NRXN1: variants seen among roughly 807,000 people sequenced by gnomAD.
The protein encoded by NRXN1 is neurexin-1.
A neutral mutation model predicts 150.9 loss-of-function variants in NRXN1; 39 were observed. That is an observed-to-expected ratio of 0.26 (90% CI 0.20 to 0.34). The LOEUF is 0.34. NRXN1 is among the 10% of genes least tolerant of loss of function. The pLI is 1.00. For synonymous variants in NRXN1, 924 were observed against 757.0 expected (o/e 1.22, Z -3.62); for missense variants, 1,815 against 1,949.9 (o/e 0.93, Z 1.30).
chr2:50,834,255 T>C (rs1671794926), intron 5 of NRXN1, among the ~76,000 whole-genome samples: 1 of 152,312 alleles, frequency 6.6e-6, no homozygotes, highest in South Asian at 2.1e-4. Flanking sequence ...TGTAATCAAC[T>C]GTGAAAATCT....
At chr2:50,087,572 T>C (rs1173196102) in intron 19 of NRXN1, among the ~76,000 whole-genome samples, 1 of 152,156 alleles carries the variant, frequency 6.6e-6, no homozygotes, top group Non-Finnish European at 1.5e-5. Context: ...AGATTAATGA[T>C]GCATTATATT....
intron 21 of NRXN1, among the ~76,000 whole-genome samples, chr2:49,979,906 G>GTTTTTTTTTTT (rs958895922): frequency 4.5e-5 from 3 of 65,990 alleles, no homozygotes; most frequent in African/African-American, 9.1e-5. Context: ...TGTTTTTTTG[G>GTTTTTTTTTTT]TTTTTTTTTT....
intron 10 of NRXN1, among the ~76,000 whole-genome samples, chr2:50,534,535 T>C (rs1443573329): frequency 6.6e-6 from 1 of 152,174 alleles, no homozygotes; most frequent in Non-Finnish European, 1.5e-5. Flanking sequence ...AGTGTAAAGT[T>C]ATAGTGAATT....
At chr2:50,656,662 T>G (rs1040991704) in intron 5 of NRXN1, among the ~76,000 whole-genome samples, 1 of 151,914 alleles carries the variant, frequency 6.6e-6, no homozygotes, top group Non-Finnish European at 1.5e-5. Context: ...ATTAATTTCA[T>G]GATGGACTAG....
intron 17 of NRXN1, among the ~76,000 whole-genome samples, chr2:50,366,674 G>T (rs1213841317): frequency 1.3e-5 from 2 of 151,938 alleles, no homozygotes; most frequent in Non-Finnish European, 2.9e-5. Flanking sequence ...GGTTTTGGTA[G>T]ACTGTCTCCC....
At chr2:50,307,111 A>C (rs1363918861) in intron 17 of NRXN1, among the ~76,000 whole-genome samples, 1 of 151,912 alleles carries the variant, frequency 6.6e-6, no homozygotes. Context: ...CAGCCTCCTG[A>C]GCATCTGGGA....
rs977558785 is a variant in NRXN1 at position 50,634,084 on chromosome 2, G to A, written c.833-10469C>T. 2.6e-5 allele frequency among the ~76,000 whole-genome samples: 4 copies of A among 152,302 alleles called. No homozygotes were observed. The East Asian group carries it at 7.7e-4, about 29-fold the overall frequency. On this transcript the variant is annotated intron_variant, in intron 5 of 22. Coordinates refer to ENST00000401669, the MANE Select transcript of NRXN1 (RefSeq NM_001330078.2). Reference sequence around the variant, plus strand: ...GTGGGAATACAATGAAATCAGAGCTGTGGGATGGGGCTATGTCATGTAAGT... The same window carrying A: ...GTGGGAATACAATGAAATCAGAGCTATGGGATGGGGCTATGTCATGTAAGT...
intron 17 of NRXN1, among the ~76,000 whole-genome samples, chr2:50,340,913 G>T (rs2077505694): frequency 6.6e-6 from 1 of 152,284 alleles, no homozygotes; most frequent in East Asian, 1.9e-4. Flanking sequence ...GTAAAGGAAA[G>T]CTGGTTTTCT....
intron 5 of NRXN1, among the ~76,000 whole-genome samples, chr2:50,915,185 A>G (rs534412530): frequency 1.1e-3 from 169 of 151,720 alleles, no homozygotes; most frequent in African/African-American, 4.0e-3. Context: ...CAAGATAATT[A>G]TATGTTATTT....
intron 9 of NRXN1, among the ~76,000 whole-genome samples, chr2:50,551,044 GGAAGAGGAA>G (rs1263966229): frequency 1.1e-3 from 72 of 66,172 alleles, no homozygotes; most frequent in Middle Eastern, 7.6e-3. Context: ...AAGAGGAAGA[GGAAGAGGAA>G]GAAGAAGAAG....
At chr2:50,669,203 C>G (rs945107037) in intron 5 of NRXN1, among the ~76,000 whole-genome samples, 1 of 151,898 alleles carries the variant, frequency 6.6e-6, no homozygotes, top group East Asian at 1.9e-4. Flanking sequence ...TACTTTAGTT[C>G]GACCCCGGTG....
At chr2:50,390,933 A>T (rs1356466193) in intron 17 of NRXN1, among the ~76,000 whole-genome samples, 2 of 152,146 alleles carry the variant, frequency 1.3e-5, no homozygotes, top group Admixed American at 6.5e-5. Context: ...AAAATAAATC[A>T]TATTAGTATT....
intron 5 of NRXN1, among the ~76,000 whole-genome samples, chr2:50,900,963 C>T (rs1300175427): frequency 4.6e-5 from 7 of 152,152 alleles, no homozygotes; most frequent in Non-Finnish European, 1.0e-4. Flanking sequence ...CCAGTGAAGG[C>T]CTTACCTGAC....
chr2:50,431,081 T>C (rs1249421784), intron 17 of NRXN1, among the ~76,000 whole-genome samples: 2 of 152,186 alleles, frequency 1.3e-5, no homozygotes, highest in Non-Finnish European at 2.9e-5. Flanking sequence ...TAAAATCTCA[T>C]CCTCATACCC....
At chr2:50,165,564 G>T (rs540260736) in intron 18 of NRXN1, among the ~76,000 whole-genome samples, 3 of 152,052 alleles carry the variant, frequency 2.0e-5, no homozygotes, top group Admixed American at 1.3e-4. Context: ...GGCCAGGCTG[G>T]TCTCCAACTC....
intron 15 of NRXN1, among the ~76,000 whole-genome samples, chr2:50,490,180 G>T (rs567752813): frequency 2.6e-5 from 4 of 152,182 alleles, no homozygotes; most frequent in African/African-American, 9.7e-5. Context: ...TGCCTCAAAA[G>T]TGGTGTCTTT....
At chr2:50,279,837 T>A (rs1035899922) in intron 17 of NRXN1, among the ~76,000 whole-genome samples, 2 of 152,156 alleles carry the variant, frequency 1.3e-5, no homozygotes, top group African/African-American at 4.8e-5. Flanking sequence ...GAAGTAAATA[T>A]AGGCTTGAAA....
chr2:50,478,910 T>C (rs1235945193), intron 15 of NRXN1, among the ~76,000 whole-genome samples: 2 of 152,194 alleles, frequency 1.3e-5, no homozygotes, highest in Non-Finnish European at 2.9e-5. Flanking sequence ...TTGTTTCGTT[T>C]TCATTCCCAT....
At chr2:50,677,905 G>A (rs1290191488) in intron 5 of NRXN1, among the ~76,000 whole-genome samples, 1 of 151,770 alleles carries the variant, frequency 6.6e-6, no homozygotes. Context: ...ACTTTTAAAC[G>A]ACATCTCAGA....
Sources: allele counts gnomAD v4.1 joint callset (sites outside exome capture counted in the v4.1 genomes callset), GRCh38; gene constraint gnomAD v4.1.1; transcripts MANE v1.5; gene names NCBI Gene and HGNC (gene_info 2026-07-23, HGNC 2026-07-21).